Variants in SPATA9 observed in about 807,000 individuals in gnomAD.
SPATA9 encodes spermatogenesis associated 9.
A neutral mutation model predicts 25.5 loss-of-function variants in SPATA9; 27 were observed. That is an observed-to-expected ratio of 1.06 (90% CI 0.78 to 1.46). The LOEUF (loss-of-function observed/expected upper bound fraction) is 1.46, where lower values mean the gene tolerates loss of function less well. SPATA9 is among the 40% of genes most tolerant of loss of function. The pLI is 0.00. For missense variants in SPATA9, 282 were observed against 297.5 expected, an observed-to-expected ratio of 0.95 and a Z score of 0.38; for synonymous variants, 102 against 105.7, an observed-to-expected ratio of 0.97 and a Z score of 0.21.
At chr5:95,722,614 C>CT in the SPATA9 span, among the ~76,000 whole-genome samples, 1 of 152,172 alleles carries the variant, frequency 6.6e-6, no homozygotes, top group Non-Finnish European at 1.5e-5. Flanking sequence ...CTCAGCCTCC[C>CT]AAGTAGCTGG....
the SPATA9 span, chr5:95,731,541 C>G: frequency 7.1e-7 from 1 of 1,414,232 alleles, no homozygotes; most frequent in Non-Finnish European, 9.2e-7. Context: ...CGCTCTGCGT[C>G]GGCCCCGCCG....
upstream of SPATA9, among the ~76,000 whole-genome samples, chr5:95,700,530 C>G (rs1347664799): frequency 6.6e-6 from 1 of 152,108 alleles, no homozygotes; most frequent in Non-Finnish European, 1.5e-5. Flanking sequence ...GATCTCCTGA[C>G]CTCGTGATAT....
chr5:95,702,834 T>C (rs1322259649), upstream of SPATA9, among the ~76,000 whole-genome samples: 3 of 152,142 alleles, frequency 2.0e-5, no homozygotes, highest in African/African-American at 7.2e-5. Flanking sequence ...TGAGCAATGA[T>C]TGCACCACTA....
At chr5:95,707,708 G>A in the SPATA9 span, among the ~76,000 whole-genome samples, 1 of 152,140 alleles carries the variant, frequency 6.6e-6, no homozygotes, top group East Asian at 1.9e-4. Context: ...GACGTGCTGG[G>A]AGTCAGCTTG....
the SPATA9 span, among the ~76,000 whole-genome samples, chr5:95,724,802 A>G: frequency 2.0e-5 from 3 of 152,060 alleles, no homozygotes; most frequent in Non-Finnish European, 2.9e-5. Flanking sequence ...AATAGAACCT[A>G]CTCCATAGGG....
chr5:95,711,582 G>A, the SPATA9 span, among the ~76,000 whole-genome samples: 1 of 152,208 alleles, frequency 6.6e-6, no homozygotes, highest in Non-Finnish European at 1.5e-5. Context: ...AGAGGCAATG[G>A]GTGGCGAGCC....
chr5:95,653,743 C>T (rs1313350160), downstream of SPATA9, among the ~76,000 whole-genome samples: 1 of 151,984 alleles, frequency 6.6e-6, no homozygotes. Context: ...ACTAAAAATA[C>T]AAAAATTAGC....
At chr5:95,713,985 T>A in the SPATA9 span, among the ~76,000 whole-genome samples, 22 of 152,288 alleles carry the variant, frequency 1.4e-4, no homozygotes, top group African/African-American at 5.3e-4. Context: ...GACTTTAAAG[T>A]CTCTTGGGAC....
At chr5:95,731,293 A>AC in the SPATA9 span, 2 of 1,029,830 alleles carry the variant, frequency 1.9e-6, no homozygotes, top group Non-Finnish European at 2.3e-6. Context: ...GATCTCCCCG[A>AC]CCCCCCTTCT....
rs560872420 is a variant in SPATA9 at position 95,671,829 on chromosome 5, C to A, written c.378+3583G>T. ...AAAACATCTGGTTCCATACACATGG[C>A]AGACTGAGCTAATGTGGAGCATCTC... On this transcript the variant is annotated intron_variant, in intron 3 of 4. Transcript: ENST00000274432. 2.6e-5 allele frequency among the ~76,000 whole-genome samples: 4 copies of A among 152,020 alleles called. No homozygotes were observed. The South Asian group carries it at 6.2e-4, about 24-fold the overall frequency.
At chr5:95,664,120 A>T in intron 3 of SPATA9, 72 bp from the exon 4 acceptor site, 1 of 812,524 alleles carries the variant, frequency 1.2e-6, no homozygotes, top group South Asian at 2.5e-5. Flanking sequence ...GTACAATGTT[A>T]CTGTAAAATG....
chr5:95,721,304 C>T, the SPATA9 span, among the ~76,000 whole-genome samples: 1 of 152,212 alleles, frequency 6.6e-6, no homozygotes, highest in Admixed American at 6.5e-5. Flanking sequence ...GTACTTATCA[C>T]ATCACTGAGA....
rs556253562 is a variant in SPATA9 at position 95,658,502 on chromosome 5, C to G, written c.*121G>C. 4 of 648,136 alleles carry G rather than the reference C, an allele frequency of 6.2e-6. No individual in the cohort carries two copies. The highest frequency in any genetic ancestry group is 8.3e-6 in the Non-Finnish European group (4 of 481,924). The allele number at this position is 648,136 out of a possible 1,614,324, so 40.1% of individuals were successfully genotyped here. A position where few individuals can be genotyped will look rare whatever the true frequency, so the allele number is the denominator to read the frequency against. On this transcript the variant is annotated 3_prime_UTR_variant, in exon 5 of 5. Coordinates refer to ENST00000274432, the MANE Select transcript of SPATA9 (RefSeq NM_031952.4). ...GAAAATGACATTTTAATAGTAGCCC[C>G]CTTCTCTTTTTTTTAAGAAAGCAGA... is the stretch of plus-strand genomic sequence containing the variant.
chr5:95,671,297 A>C (rs1441428475), intron 3 of SPATA9, among the ~76,000 whole-genome samples: 1 of 152,192 alleles, frequency 6.6e-6, no homozygotes, highest in Non-Finnish European at 1.5e-5. Context: ...CACTTGCTAC[A>C]TCCTACTGAC....
rs747431296 is a variant in SPATA9, at chr5:95,675,496, T to G, written c.294A>C (p.Ala98=). Residue 98 remains alanine (A), a synonymous_variant, in exon 3 of 5, where the codon GCA becomes GCC. Transcript: ENST00000274432. ...TGTCCCTTAGCTCTAAAAGTCTGCA[T>G]GCAAGCTGAGGATGCAGAAGTTTGG... The part of the protein sequence containing the change: ...SVAKLLHPQL[A]CRLLELRDIS... 6.2e-7 allele frequency: 1 copy of G among 1,614,182 alleles called. No individual in the cohort carries two copies. The highest frequency in any genetic ancestry group is 8.5e-7 in the Non-Finnish European group (1 of 1,180,020).
chr5:95,697,219 A>C lies in SPATA9; in HGVS notation n.124+1369T>G, dbSNP rs141318610. ...CTGGGCTATGGTCTTCTTAGGACTC[A>C]ACTGAGAGATGGTCCAATTCCAAGC... On this transcript the variant is annotated intron_variant and non_coding_transcript_variant, in intron 1 of 2. Transcript: ENST00000379990. Among the ~76,000 whole-genome samples the C allele has an allele frequency of 9.1e-3, 1,383 of 152,296 alleles. 9 individuals carry two copies. Among genetic ancestry groups the C allele is most frequent in the Non-Finnish European group, 0.014 (974 of 68,020 alleles).
chr5:95,718,265 A>G, the SPATA9 span, among the ~76,000 whole-genome samples: 1 of 152,318 alleles, frequency 6.6e-6, no homozygotes, highest in East Asian at 1.9e-4. Flanking sequence ...CAGTAGAGAG[A>G]TAAGAGTTGA....
the SPATA9 span, among the ~76,000 whole-genome samples, chr5:95,730,134 C>T: frequency 2.8e-4 from 42 of 152,028 alleles, no homozygotes; most frequent in East Asian, 4.1e-3. Flanking sequence ...TATATCCTCT[C>T]TGAGCACGAG....
the SPATA9 span, chr5:95,731,539 G>A: frequency 2.1e-5 from 29 of 1,411,422 alleles, no homozygotes; most frequent in African/African-American, 3.8e-4. Context: ...CCCGCTCTGC[G>A]TCGGCCCCGC....
Sources: allele counts gnomAD v4.1 joint callset (sites outside exome capture counted in the v4.1 genomes callset), GRCh38; gene constraint gnomAD v4.1.1; transcripts MANE v1.5; gene names NCBI Gene and HGNC (gene_info 2026-07-23, HGNC 2026-07-21).